The following TMEM169 variants were observed in gnomAD, a reference collection of about 807,000 sequenced individuals.
TMEM169 encodes the protein transmembrane protein 169.
A neutral mutation model predicts 27.3 loss-of-function variants in TMEM169; 18 were observed. The ratio of observed to expected loss-of-function variants is 0.66; its 90% CI spans 0.46 to 0.98. The LOEUF is 0.98. Among genes scored for constraint, TMEM169 ranks in the 50% least tolerant of loss-of-function variants. The pLI is 0.00. For synonymous variants in TMEM169, 136 were observed against 142.1 expected (o/e 0.96, Z 0.30); for missense variants, 320 against 368.6 (o/e 0.87, Z 1.08).
intron 1 of TMEM169, among the ~76,000 whole-genome samples, chr2:216,084,620 G>A (rs538040452): frequency 2.6e-5 from 4 of 152,312 alleles, no homozygotes; most frequent in African/African-American, 7.2e-5. Context: ...GAAACAAGCT[G>A]TTGTGATAAA....
intron 1 of TMEM169, among the ~76,000 whole-genome samples, chr2:216,088,062 G>A (rs1339371104): frequency 6.6e-6 from 1 of 152,002 alleles, no homozygotes; most frequent in African/African-American, 2.4e-5. Flanking sequence ...AGGAGGCAGA[G>A]GCACGAAAAT....
At chr2:216,095,048 A>T (rs1479250264) in intron 1 of TMEM169, among the ~76,000 whole-genome samples, 1 of 149,600 alleles carries the variant, frequency 6.7e-6, no homozygotes, top group African/African-American at 2.5e-5. Flanking sequence ...GTTTTAATGT[A>T]TGATTCAATA....
rs376658610 is a variant in TMEM169 at position 216,100,197 on chromosome 2, C to A, written c.549C>A (p.Gly183=). The A allele has an allele frequency of 1.8e-5, 29 of 1,613,786 alleles. No homozygotes were observed. Among genetic ancestry groups the A allele is most frequent in the Non-Finnish European group, 2.5e-5 (29 of 1,180,024 alleles). ...CTTTTGTTGTCTCTTTCTACTACGGCACTATCACCTGGTACAACATCTTCC... is the reference window on the plus strand; with the variant it reads ...CTTTTGTTGTCTCTTTCTACTACGGAACTATCACCTGGTACAACATCTTCC... The part of the protein sequence containing the change: ...ILSFVVSFYY[G]TITWYNIFLV... Residue 183 remains glycine, a synonymous_variant, in exon 3 of 3, where the codon GGC becomes GGA. Transcript: ENST00000437356.
At chr2:216,097,609 C>T (rs764338332) in intron 2 of TMEM169, among the ~76,000 whole-genome samples, 5 of 151,790 alleles carry the variant, frequency 3.3e-5, no homozygotes, top group African/African-American at 7.3e-5. Context: ...ATTGTGCAGC[C>T]GTAGAGAGAT....
chr2:216,098,333 G>T lies in TMEM169; in HGVS notation c.272-1587G>T, dbSNP rs117731124. Among the ~76,000 whole-genome samples the T allele has an allele frequency of 3.9e-5, 6 of 152,308 alleles. No homozygotes were observed. In the East Asian group the frequency reaches 1.2e-3, roughly 29 times the overall value. On this transcript the variant is annotated intron_variant, in intron 2 of 2. Coordinates refer to ENST00000437356, the MANE Select transcript of TMEM169 (RefSeq NM_001142311.2). ...TTCGGGTGATAGCAGGAGAAAGCTG[G>T]AGAAGAGAAGCTGGATTCAGGATGC...
At chr2:216,083,598 C>A (rs908528672) in intron 1 of TMEM169, among the ~76,000 whole-genome samples, 3 of 152,074 alleles carry the variant, frequency 2.0e-5, no homozygotes, top group Non-Finnish European at 4.4e-5. Flanking sequence ...GGCTGCTGAG[C>A]GGACTGAGAG....
intron 1 of TMEM169, among the ~76,000 whole-genome samples, chr2:216,085,971 A>AT (rs980992741): frequency 6.6e-6 from 1 of 152,168 alleles, no homozygotes; most frequent in African/African-American, 2.4e-5. Context: ...GAGTATGAGC[A>AT]TGTTCTTAAA....
intron 1 of TMEM169, 136 bp from the exon 2 acceptor site, chr2:216,095,702 T>C: frequency 2.4e-6 from 1 of 414,484 alleles, no homozygotes; most frequent in East Asian, 3.8e-5. Flanking sequence ...GAGATTTAGA[T>C]TGCATTCCCA....
intron 1 of TMEM169, among the ~76,000 whole-genome samples, chr2:216,095,541 T>G (rs1446438471): frequency 6.6e-6 from 1 of 152,148 alleles, no homozygotes; most frequent in Non-Finnish European, 1.5e-5. Context: ...AAAGAAACAA[T>G]AATTGTTGAC....
intron 1 of TMEM169, chr2:216,082,995 T>C (rs566637936): frequency 6.6e-6 from 1 of 152,348 alleles, no homozygotes; most frequent in East Asian, 1.9e-4. Flanking sequence ...GACCATCACT[T>C]CCTCCACCAG....
Position 216,099,010 on chromosome 2 carries a change from T to C in TMEM169, c.272-910T>C, listed in dbSNP as rs56167614. ...ATGTGTAGTGTATATATGTGGAATG[T>C]GTGGGGGGCAGCATTTGTGTGCATG... On this transcript the variant is annotated intron_variant, in intron 2 of 2. Transcript: ENST00000437356. The surrounding 1 kb of genome is among the most constrained non-coding windows in gnomAD (Gnocchi z 5.0). Among the ~76,000 whole-genome samples the C allele has an allele frequency of 0.62, 94,078 of 150,652 alleles. 31,530 individuals are homozygous for C. Among genetic ancestry groups the C allele is most frequent in the African/African-American group, 0.87 (35,533 of 41,026 alleles).
In TMEM169 at chr2:216,101,082, T is replaced by C. The variant is rs2105990793; in HGVS notation, c.*540T>C. 1 of 169,766 alleles carries C rather than the reference T, an allele frequency of 5.9e-6. No individual in the cohort carries two copies. The highest frequency in any genetic ancestry group is 1.3e-4 in the South Asian group (1 of 7,756). 10.5% of individuals were successfully genotyped at this position (169,766 alleles called of 1,614,324 possible). The stretch of plus-strand genomic sequence containing the variant: ...AAGATAGAAGTGTATTTCTTTCTTG[T>C]GCAGAAGAAGTCTGGAGGCAGACCA... On this transcript the variant is annotated 3_prime_UTR_variant, in exon 3 of 3. Transcript: ENST00000437356.
intron 1 of TMEM169, among the ~76,000 whole-genome samples, chr2:216,095,233 A>G (rs1242488128): frequency 6.7e-6 from 1 of 150,096 alleles, no homozygotes; most frequent in Non-Finnish European, 1.5e-5. Context: ...GATTACAGGC[A>G]CCCACCACTA....
chr2:216,087,573 G>A (rs1175472207), intron 1 of TMEM169, among the ~76,000 whole-genome samples: 1 of 152,170 alleles, frequency 6.6e-6, no homozygotes, highest in African/African-American at 2.4e-5. Flanking sequence ...TTGCATAAAT[G>A]TTGGCGGGTA....
chr2:216,094,215 C>T (rs898502969), intron 1 of TMEM169, among the ~76,000 whole-genome samples: 4 of 152,088 alleles, frequency 2.6e-5, no homozygotes, highest in Non-Finnish European at 4.4e-5. Flanking sequence ...TAGAAGCTTG[C>T]GATTCTGAAT....
In TMEM169 at chr2:216,101,056, C is replaced by G. The variant is rs909127327; in HGVS notation, c.*514C>G. The G allele has an allele frequency of 5.6e-6, 1 of 177,208 alleles. No homozygotes were observed. Among genetic ancestry groups the G allele is most frequent in the Admixed American group, 5.3e-5 (1 of 18,734 alleles). The allele number at this position is 177,208 out of a possible 1,614,324, so 11.0% of individuals were successfully genotyped here. ...AACCCTAAAATATCAGTGGCTTAAA[C>G]AAGATAGAAGTGTATTTCTTTCTTG... On this transcript the variant is annotated 3_prime_UTR_variant, in exon 3 of 3. Coordinates refer to ENST00000437356, the MANE Select transcript of TMEM169 (RefSeq NM_001142311.2).
At position 216,100,323 on chromosome 2, in the gene TMEM169, C is replaced by T. The variant is rs61732364; in HGVS notation, c.675C>T (p.Leu225=). Residue 225 remains leucine (L), a synonymous_variant, in exon 3 of 3, where the codon CTC becomes CTT. Coordinates refer to ENST00000437356, the MANE Select transcript of TMEM169 (RefSeq NM_001142311.2). The stretch of plus-strand genomic sequence containing the variant: ...TCATCATGGCCATGGCTTCTTCCCT[C>T]GGCCTCTACGCTGCTGTGGTCCAGC... ...PVLIMAMASS[L]GLYAAVVQLS... 0.015 allele frequency: 23,691 copies of T among 1,613,768 alleles called. 2,559 individuals carry two copies. The African/African-American group carries it at 0.26, about 17-fold the overall frequency.
In TMEM169 at chr2:216,099,899, C is replaced by T. The variant is rs760598007; in HGVS notation, c.272-21C>T. On this transcript the variant is annotated intron_variant, in intron 2 of 2. Transcript: ENST00000437356. This position sits in a 1 kb window ranked among gnomAD's most constrained non-coding sequence, Gnocchi z 5.0. ...TGCCCACTCTTCTGATCTTGACTCT[C>T]ACCTCCTTTGTACCCTGCAGATATG... 3.8e-6 allele frequency: 6 copies of T among 1,593,024 alleles called. No individual in the cohort carries two copies. The highest frequency in any genetic ancestry group is 3.5e-5 in the Admixed American group (2 of 56,724).
chr2:216,094,164 A>G (rs563090526), intron 1 of TMEM169, among the ~76,000 whole-genome samples: 1 of 152,320 alleles, frequency 6.6e-6, no homozygotes, highest in East Asian at 1.9e-4. Context: ...GTTGCTGAAG[A>G]GTGTACAGCC....
Sources: gnomAD v4.1 joint callset for allele counts (sites outside exome capture counted in the v4.1 genomes callset) on GRCh38, gnomAD v4.1.1 for gene constraint, Gnocchi (gnomAD v3.1) non-coding constraint, MANE v1.5 for transcripts, NCBI Gene and HGNC (gene_info 2026-07-23, HGNC 2026-07-21) for gene names.